The following PLXDC2 variants were observed in gnomAD, a reference collection of about 807,000 sequenced individuals.
PLXDC2 encodes plexin domain-containing protein 2.
Under a neutral mutation model 68.9 loss-of-function variants are expected in PLXDC2, and 40 were observed. That is an observed-to-expected ratio of 0.58 (90% CI 0.45 to 0.76). The LOEUF is 0.76. PLXDC2 is among the 30% of genes least tolerant of loss of function. The pLI, the probability that PLXDC2 is intolerant of heterozygous loss-of-function variation, is 0.00. For missense variants in PLXDC2, 644 were observed against 661.9 expected (o/e 0.97, Z 0.30); for synonymous variants, 243 against 234.2 (o/e 1.04, Z -0.34).
At chr10:19,904,565 C>T (rs1838210162) in intron 1 of PLXDC2, among the ~76,000 whole-genome samples, 1 of 152,112 alleles carries the variant, frequency 6.6e-6, no homozygotes, top group African/African-American at 2.4e-5. Context: ...CCACAAGCCT[C>T]CCTGCTGAGA....
chr10:19,965,520 T>G (rs2131606348), intron 1 of PLXDC2, among the ~76,000 whole-genome samples: 1 of 152,304 alleles, frequency 6.6e-6, no homozygotes, highest in South Asian at 2.1e-4. Flanking sequence ...CTGGGATTCC[T>G]GGGTACCAAC....
intron 6 of PLXDC2, among the ~76,000 whole-genome samples, chr10:20,155,069 C>T (rs1348668231): frequency 6.6e-6 from 1 of 152,152 alleles, no homozygotes; most frequent in Non-Finnish European, 1.5e-5. Context: ...AGTATTTAAA[C>T]CTAATGTTCC....
intron 1 of PLXDC2, among the ~76,000 whole-genome samples, chr10:19,968,375 C>T (rs974398983): frequency 2.6e-5 from 4 of 152,140 alleles, no homozygotes; most frequent in African/African-American, 9.7e-5. Context: ...TGCAGTGGCA[C>T]GATCTCCGCT....
intron 2 of PLXDC2, among the ~76,000 whole-genome samples, chr10:20,020,556 G>T (rs7076757): frequency 0.29 from 40,733 of 141,472 alleles, 5,976 homozygotes; most frequent in East Asian, 0.4. Flanking sequence ...GTTCATGAGA[G>T]ATATATATAT....
rs35250324 is a variant in PLXDC2, at chr10:19,927,713, C to CAA, written c.113-74038_113-74037dup. Among the ~76,000 whole-genome samples, 501 of 53,198 alleles carry CAA rather than the reference C, an allele frequency of 9.4e-3. 4 individuals are homozygous for CAA. Among genetic ancestry groups the CAA allele is most frequent in the African/African-American group, 0.018 (227 of 12,648 alleles). 34.9% of individuals were successfully genotyped at this position (53,198 alleles called of 152,430 possible). A position where few individuals can be genotyped will look rare whatever the true frequency, so the allele number is the denominator to read the frequency against. On this transcript the variant is annotated intron_variant, in intron 1 of 13. Transcript: ENST00000377252. ...GAGACTCCATCTCAAGGAAAAAAAG[C>CAA]AAAAAAAAAAAAAAAAAAAAAAAAA...
intron 4 of PLXDC2, among the ~76,000 whole-genome samples, chr10:20,075,317 T>C (rs376814366): frequency 2.4e-4 from 36 of 152,218 alleles, no homozygotes; most frequent in African/African-American, 7.9e-4. Context: ...GCTCCCCAAA[T>C]AGCTGGGACT....
chr10:20,188,076 C>T (rs942799586), intron 9 of PLXDC2, among the ~76,000 whole-genome samples: 29 of 151,590 alleles, frequency 1.9e-4, no homozygotes, highest in African/African-American at 4.6e-4. Flanking sequence ...ATATTTGACT[C>T]GTTTCCCCCC....
intron 4 of PLXDC2, among the ~76,000 whole-genome samples, chr10:20,139,289 A>G (rs188049156): frequency 6.6e-6 from 1 of 152,330 alleles, no homozygotes; most frequent in East Asian, 1.9e-4. Flanking sequence ...ATTATTTGAG[A>G]TTCAAAGAAC....
At chr10:19,907,376 C>T (rs914967051) in intron 1 of PLXDC2, among the ~76,000 whole-genome samples, 1 of 152,068 alleles carries the variant, frequency 6.6e-6, no homozygotes, top group Non-Finnish European at 1.5e-5. Flanking sequence ...TTATGATGTC[C>T]TCACCCTCTC....
At chr10:20,228,592 C>A (rs79525274) in intron 12 of PLXDC2, among the ~76,000 whole-genome samples, 3 of 139,684 alleles carry the variant, frequency 2.1e-5, no homozygotes, top group East Asian at 2.1e-4. Context: ...GGCAGGAAGG[C>A]AGGAAGGAAG....
intron 4 of PLXDC2, among the ~76,000 whole-genome samples, chr10:20,121,519 T>A (rs1833697342): frequency 6.6e-6 from 1 of 152,158 alleles, no homozygotes; most frequent in African/African-American, 2.4e-5. Context: ...ATGGGGGCTG[T>A]CTGTGAAGCC....
intron 1 of PLXDC2, among the ~76,000 whole-genome samples, chr10:19,962,099 TC>T (rs1834162983): frequency 6.6e-6 from 1 of 152,198 alleles, no homozygotes; most frequent in Non-Finnish European, 1.5e-5. Context: ...CAGGGATTTT[TC>T]TTGCCATAAA....
At chr10:19,889,728 C>T (rs1837915698) in intron 1 of PLXDC2, among the ~76,000 whole-genome samples, 1 of 152,160 alleles carries the variant, frequency 6.6e-6, no homozygotes, top group African/African-American at 2.4e-5. Context: ...TTTTAGACAT[C>T]CACAGGCAGG....
chr10:20,105,910 G>C (rs1474976507), intron 4 of PLXDC2, among the ~76,000 whole-genome samples: 1 of 152,176 alleles, frequency 6.6e-6, no homozygotes, highest in Non-Finnish European at 1.5e-5. Flanking sequence ...GATTAAATTA[G>C]ACCATCAATA....
chr10:19,918,754 G>C (rs921952588), intron 1 of PLXDC2, among the ~76,000 whole-genome samples: 1 of 152,152 alleles, frequency 6.6e-6, no homozygotes, highest in Admixed American at 6.5e-5. Context: ...GCTTGATTAT[G>C]GAAGATTTTC....
At chr10:19,917,328 T>C (rs1833386924) in intron 1 of PLXDC2, among the ~76,000 whole-genome samples, 1 of 152,172 alleles carries the variant, frequency 6.6e-6, no homozygotes. Flanking sequence ...CTTGGTGGGC[T>C]ACAGTTCGCT....
intron 13 of PLXDC2, among the ~76,000 whole-genome samples, chr10:20,267,665 G>A (rs866493431): frequency 6.6e-5 from 10 of 152,086 alleles, no homozygotes; most frequent in Admixed American, 2.6e-4. Flanking sequence ...CTATTGTTAA[G>A]TTATCCAAAT....
At chr10:20,011,497 G>A (rs1027761025) in intron 2 of PLXDC2, among the ~76,000 whole-genome samples, 6 of 152,300 alleles carry the variant, frequency 3.9e-5, no homozygotes, top group Admixed American at 2.6e-4. Flanking sequence ...AGTTACCAGG[G>A]CTCAAGGAAT....
rs567534491 is a variant in PLXDC2 at position 20,261,077 on chromosome 10, A to G, written c.1473+15572A>G. On this transcript the variant is annotated intron_variant, in intron 13 of 13. Coordinates refer to ENST00000377252, the MANE Select transcript of PLXDC2 (RefSeq NM_032812.9). Reference sequence around the variant, plus strand: ...TTATATTGAGTTGTGTGAGTTCCTTATATATTTTAGCTACTAACCCCTTAC... The same window carrying G: ...TTATATTGAGTTGTGTGAGTTCCTTGTATATTTTAGCTACTAACCCCTTAC... Among the ~76,000 whole-genome samples the G allele has an allele frequency of 4.6e-5, 7 of 152,178 alleles. No individual in the cohort carries two copies. The South Asian group carries it at 6.2e-4, about 14-fold the overall frequency.
Sources: allele counts gnomAD v4.1 joint callset (sites outside exome capture counted in the v4.1 genomes callset), GRCh38; gene constraint gnomAD v4.1.1; transcripts MANE v1.5; gene names NCBI Gene and HGNC (gene_info 2026-07-23, HGNC 2026-07-21).